The following PTPRN2 variants were observed in gnomAD, a reference collection of about 807,000 sequenced individuals.
PTPRN2 encodes the protein receptor-type tyrosine-protein phosphatase N2.
PTPRN2 carries 74 observed loss-of-function variants against 118.8 expected under a neutral mutation model. The observed-to-expected ratio is 0.62, with a 90% CI of 0.52 to 0.76. PTPRN2 has a LOEUF of 0.76. PTPRN2 is among the 30% of genes least tolerant of loss of function. The probability of loss-of-function intolerance (pLI) is 0.00; values close to 1 mark genes in which losing one functional copy is unlikely to be tolerated. For missense variants in PTPRN2, 1,481 were observed against 1,394.4 expected, an observed-to-expected ratio of 1.06 and a Z score of -0.99; for synonymous variants, 641 against 608.0, an observed-to-expected ratio of 1.05 and a Z score of -0.80.
At chr7:157,552,021 C>A (rs1304270180) in intron 21 of PTPRN2, among the ~76,000 whole-genome samples, 3 of 145,468 alleles carry the variant, frequency 2.1e-5, no homozygotes, top group Non-Finnish European at 3.0e-5. Context: ...CAGCCAGCAC[C>A]CAACCCACAG....
At chr7:158,301,005 G>C (rs1343174352) in intron 3 of PTPRN2, among the ~76,000 whole-genome samples, 2 of 152,156 alleles carry the variant, frequency 1.3e-5, no homozygotes, top group Admixed American at 1.3e-4. Flanking sequence ...TCTTTCATTT[G>C]CATTTGAAAC....
chr7:157,572,898 G>T (rs981331679), intron 19 of PTPRN2, among the ~76,000 whole-genome samples: 1 of 152,352 alleles, frequency 6.6e-6, no homozygotes, highest in African/African-American at 2.4e-5. Context: ...TGTTAGAGGT[G>T]TTTGTTGTTG....
chr7:157,897,391 A>C (rs10279216), intron 12 of PTPRN2, among the ~76,000 whole-genome samples: 122,969 of 152,064 alleles, frequency 0.81, 49,865 homozygotes, highest in East Asian at 1. Context: ...GGCAGCCCCC[A>C]AGACTCTTGG....
intron 11 of PTPRN2, among the ~76,000 whole-genome samples, chr7:158,032,281 C>T (rs149087942): frequency 5.6e-4 from 86 of 152,284 alleles, no homozygotes; most frequent in African/African-American, 2.0e-3. Flanking sequence ...GTGGCTGATG[C>T]TCTGATGAAG....
intron 2 of PTPRN2, among the ~76,000 whole-genome samples, chr7:158,337,315 A>G (rs1269361150): frequency 5.3e-5 from 8 of 150,332 alleles, no homozygotes; most frequent in Non-Finnish European, 1.2e-4. Context: ...CACAGACATC[A>G]TTCACACCCA....
intron 14 of PTPRN2, among the ~76,000 whole-genome samples, chr7:157,652,056 A>C (rs1355047841): frequency 1.3e-5 from 2 of 152,250 alleles, no homozygotes; most frequent in Non-Finnish European, 2.9e-5. Flanking sequence ...TTTCCCTGCA[A>C]ATAAAGCCCT....
chr7:158,157,352 A>G (rs1241131982), intron 6 of PTPRN2, among the ~76,000 whole-genome samples: 1 of 152,244 alleles, frequency 6.6e-6, no homozygotes, highest in Non-Finnish European at 1.5e-5. Context: ...TTTCCAGCAA[A>G]TGCAGCTGGC....
At chr7:157,847,016 C>T (rs1420455580) in intron 12 of PTPRN2, among the ~76,000 whole-genome samples, 8 of 127,212 alleles carry the variant, frequency 6.3e-5, no homozygotes, top group Middle Eastern at 7.4e-3. Context: ...CAGAGCCCTC[C>T]CTCACTACAT....
At chr7:158,395,578 G>C (rs1397951188) in intron 2 of PTPRN2, among the ~76,000 whole-genome samples, 1 of 88,592 alleles carries the variant, frequency 1.1e-5, no homozygotes, top group Non-Finnish European at 2.2e-5. Context: ...GGCGAGGCGC[G>C]AGGGGCCAGG....
intron 6 of PTPRN2, among the ~76,000 whole-genome samples, chr7:158,144,360 G>A (rs978621416): frequency 6.6e-5 from 10 of 152,150 alleles, no homozygotes; most frequent in East Asian, 1.9e-4. Flanking sequence ...GACATCAGCC[G>A]GACGCGGTGG....
At chr7:158,402,320 G>T (rs145654902) in intron 2 of PTPRN2, among the ~76,000 whole-genome samples, 1 of 152,044 alleles carries the variant, frequency 6.6e-6, no homozygotes, top group Non-Finnish European at 1.5e-5. Context: ...AAATCTGGGG[G>T]TACAACCTCT....
intron 1 of PTPRN2, among the ~76,000 whole-genome samples, chr7:158,580,159 C>T (rs558489789): frequency 4.9e-4 from 75 of 152,348 alleles, no homozygotes; most frequent in Middle Eastern, 3.4e-3. Flanking sequence ...CTGGTGTGCA[C>T]AGTTGAGTCC....
chr7:157,795,606 C>T (rs901007902), intron 12 of PTPRN2, among the ~76,000 whole-genome samples: 4 of 152,250 alleles, frequency 2.6e-5, no homozygotes, highest in African/African-American at 9.6e-5. Context: ...TGAGGTTGAC[C>T]TCATGTTTAT....
intron 12 of PTPRN2, among the ~76,000 whole-genome samples, chr7:157,709,916 G>A (rs1798518252): frequency 1.3e-5 from 2 of 152,198 alleles, no homozygotes; most frequent in South Asian, 2.1e-4. Flanking sequence ...GGGGAGCAGT[G>A]GTTCCTTACA....
chr7:158,072,511 G>A (rs1428117668), intron 11 of PTPRN2, among the ~76,000 whole-genome samples: 1 of 152,156 alleles, frequency 6.6e-6, no homozygotes, highest in Non-Finnish European at 1.5e-5. Flanking sequence ...ACAAGCTTCT[G>A]AGCAATTGTT....
intron 10 of PTPRN2, among the ~76,000 whole-genome samples, chr7:158,100,939 C>T (rs990858472): frequency 6.6e-6 from 1 of 152,118 alleles, no homozygotes; most frequent in Non-Finnish European, 1.5e-5. Context: ...GTGAAAATGA[C>T]CGTACTGCCA....
rs1797900963 is a variant in PTPRN2, at chr7:157,539,238, G to A, written c.*1476C>T. On this transcript the variant is annotated 3_prime_UTR_variant, in exon 23 of 23. Coordinates refer to ENST00000389418, the MANE Select transcript of PTPRN2 (RefSeq NM_002847.5). ...AAGTAATTTTGGAAAAGAAATGATAGCTATATTAAAGCAGATATTCATTAC... is the reference window on the plus strand; with the variant it reads ...AAGTAATTTTGGAAAAGAAATGATAACTATATTAAAGCAGATATTCATTAC... The A allele has an allele frequency of 6.6e-6, 1 of 152,214 alleles. No individual in the cohort carries two copies. The highest frequency in any genetic ancestry group is 1.5e-5 in the Non-Finnish European group (1 of 68,046). The allele number at this position is 152,214 out of a possible 1,614,324, so 9.4% of individuals were successfully genotyped here. A position where few individuals can be genotyped will look rare whatever the true frequency, so the allele number is the denominator to read the frequency against.
chr7:158,455,123 G>A (rs973826660), intron 2 of PTPRN2, among the ~76,000 whole-genome samples: 1 of 152,242 alleles, frequency 6.6e-6, no homozygotes, highest in Non-Finnish European at 1.5e-5. Context: ...CCTCCAGGCA[G>A]CCAGCACAGT....
chr7:158,310,802 G>A (rs919127413), intron 3 of PTPRN2, among the ~76,000 whole-genome samples: 13 of 147,502 alleles, frequency 8.8e-5, no homozygotes, highest in African/African-American at 3.1e-4. Context: ...CGGACAGAGC[G>A]CAAGTCCCAC....
Sources: allele counts gnomAD v4.1 joint callset (sites outside exome capture counted in the v4.1 genomes callset), GRCh38; gene constraint gnomAD v4.1.1; transcripts MANE v1.5; gene names NCBI Gene and HGNC (gene_info 2026-07-23, HGNC 2026-07-21).